Variants in APEX1 observed in about 807,000 individuals in gnomAD.
The protein encoded by APEX1 is apurinic/apyrimidinic endodeoxyribonuclease 1, also known as DNA repair nuclease/redox regulator APEX1.
A neutral mutation model predicts 33.2 loss-of-function variants in APEX1; 32 were observed. That is an observed-to-expected ratio of 0.96 (90% CI 0.73 to 1.29). The LOEUF (loss-of-function observed/expected upper bound fraction) is 1.29. APEX1 is among the 50% of genes most tolerant of loss of function. APEX1 has a pLI of 0.00. For missense variants in APEX1, 442 were observed against 395.6 expected (o/e 1.12, Z -0.99); for synonymous variants, 175 against 156.6 (o/e 1.12, Z -0.88).
chr14:20,455,484 C>T, intron 1 of APEX1, 90 bp downstream of exon 1: 1 of 1,140,878 alleles, frequency 8.8e-7, no homozygotes, highest in Non-Finnish European at 1.3e-6. Context: ...TTAGAGATAA[C>T]GTGGTTTGAA....
chr14:20,456,822 T>A lies in APEX1; in HGVS notation c.401T>A (p.Leu134His). Residue 134 changes from leucine to histidine, a missense_variant, in exon 4 of 5, where the codon CTT (leucine) becomes CAT (histidine). By Grantham distance (99) the Leu-to-His change is moderately conservative. Transcript: ENST00000216714. ...DKEGYSGVGL[L>H]SRQCPLKVSY... The stretch of plus-strand genomic sequence containing the variant: ...GAAGGGTACAGTGGCGTGGGCCTGC[T>A]TTCCCGCCAGTGCCCACTCAAAGTT... 6.2e-7 allele frequency: 1 copy of A among 1,614,184 alleles called. No individual in the cohort carries two copies. The highest frequency in any genetic ancestry group is 2.2e-5 in the East Asian group (1 of 44,890).
At position 20,456,871 on chromosome 14, in the gene APEX1, A is replaced by G. The variant is rs375286286; in HGVS notation, c.439+11A>G. 4 of 1,612,880 alleles carry G rather than the reference A, an allele frequency of 2.5e-6. No homozygotes were observed. Among genetic ancestry groups the G allele is most frequent in the East Asian group, 2.2e-5 (1 of 44,870 alleles). ...TTTCTTACGGCATAGGTGAGACCCTATTGATGCCTAATGCCTGAACTCTTC... is the reference window on the plus strand; with the variant it reads ...TTTCTTACGGCATAGGTGAGACCCTGTTGATGCCTAATGCCTGAACTCTTC... On this transcript the variant is annotated intron_variant, in intron 4 of 4. Coordinates refer to ENST00000216714, the MANE Select transcript of APEX1 (RefSeq NM_001641.4).
At position 20,455,629 on chromosome 14, in the gene APEX1, G is replaced by A. The variant is rs1185210385; in HGVS notation, c.-17G>A. ...TGGGTGACGCGGTACAGCTGCCCAAGGGCGTTCGTAACGGGAATGCCGAAG... is the reference window on the plus strand; with the variant it reads ...TGGGTGACGCGGTACAGCTGCCCAAAGGCGTTCGTAACGGGAATGCCGAAG... On this transcript the variant is annotated 5_prime_UTR_variant, in exon 2 of 5. Coordinates refer to ENST00000216714, the MANE Select transcript of APEX1 (RefSeq NM_001641.4). The A allele has an allele frequency of 6.2e-7, 1 of 1,613,144 alleles. No individual in the cohort carries two copies. The highest frequency in any genetic ancestry group is 1.1e-5 in the South Asian group (1 of 91,032).
chr14:20,455,356 A>C lies in APEX1; in HGVS notation c.-107A>C, dbSNP rs893083158. On this transcript the variant is annotated 5_prime_UTR_variant, in exon 1 of 5. Coordinates refer to ENST00000216714, the MANE Select transcript of APEX1 (RefSeq NM_001641.4). ...AAGCTTGAGTCAGGACCCTTAATTA[A>C]GATCCTCAATTGGCTGGAGGGCAGA... The C allele has an allele frequency of 1.5e-5, 8 of 532,012 alleles. No individual in the cohort carries two copies. The highest frequency in any genetic ancestry group is 2.7e-5 in the Non-Finnish European group (8 of 295,424). 33.0% of individuals were successfully genotyped at this position (532,012 alleles called of 1,614,324 possible).
chr14:20,456,563 AAG>A, intron 3 of APEX1, 103 bp from the exon 4 acceptor site: 1 of 1,117,440 alleles, frequency 8.9e-7, no homozygotes, highest in South Asian at 1.3e-5. Context: ...TCCTTAGGCC[AAG>A]AGACTGTTTA....
chr14:20,456,762 T>A lies in APEX1; in HGVS notation c.341T>A (p.Leu114His). Residue 114 changes from leucine (L) to histidine (H), a missense_variant, in exon 4 of 5, where the codon CTC becomes CAC. Transcript: ENST00000216714. Reference protein sequence around the residue: ...LPAELQELPGLSHQYWSAPSD... With the variant: ...LPAELQELPGHSHQYWSAPSD... ...GCTGAACTTCAGGAGCTGCCTGGAC[T>A]CTCTCATCAATACTGGTCAGCTCCT... 1 of 1,614,200 alleles carries A rather than the reference T, an allele frequency of 6.2e-7. No individual in the cohort carries two copies. Among genetic ancestry groups the A allele is most frequent in the Non-Finnish European group, 8.5e-7 (1 of 1,180,012 alleles).
In APEX1 at chr14:20,456,000, C is replaced by G. The variant is rs369666174; in HGVS notation, c.145C>G (p.Pro49Ala). 6.2e-7 allele frequency: 1 copy of G among 1,614,068 alleles called. No individual in the cohort carries two copies. The highest frequency in any genetic ancestry group is 8.5e-7 in the Non-Finnish European group (1 of 1,180,048). The change falls in exon 3 of 5, where the codon CCA becomes GCA. Residue 49 changes from proline to alanine, a missense_variant. Coordinates refer to ENST00000216714, the MANE Select transcript of APEX1 (RefSeq NM_001641.4). ...GGGCCCAGCCCTGTATGAGGACCCC[C>G]CAGATCAGAAAACCTCACCCAGTGG... is the stretch of plus-strand genomic sequence containing the variant. ...GEGPALYEDPPDQKTSPSGKP... is the reference protein window; with the variant it reads ...GEGPALYEDPADQKTSPSGKP...
chr14:20,455,487 GGTTTGAAA>G (rs1881276169), intron 1 of APEX1, 83 bp from the exon 2 acceptor site: 1 of 1,176,642 alleles, frequency 8.5e-7, no homozygotes, highest in African/African-American at 1.5e-5. Flanking sequence ...GAGATAACGT[GGTTTGAAA>G]GGCGGGACCT....
Position 20,455,317 on chromosome 14 carries a change from G to A in APEX1, c.-146G>A. 1 of 464,354 alleles carries A rather than the reference G, an allele frequency of 2.2e-6. No individual in the cohort carries two copies. Among genetic ancestry groups the A allele is most frequent in the Non-Finnish European group, 4.0e-6 (1 of 252,932 alleles). 28.8% of individuals were successfully genotyped at this position (464,354 alleles called of 1,614,324 possible). The stretch of plus-strand genomic sequence containing the variant: ...TTTGCTCATAAGAGGGGCTTCGCTG[G>A]CAGTCTGAACGGCAAGCTTGAGTCA... On this transcript the variant is annotated 5_prime_UTR_variant, in exon 1 of 5. Coordinates refer to ENST00000216714, the MANE Select transcript of APEX1 (RefSeq NM_001641.4).
rs746072642 is a variant in APEX1, at chr14:20,457,467, G to C, written c.916G>C (p.Gly306Arg). Residue 306 changes from glycine (G) to arginine (R), a missense_variant, in exon 5 of 5, where the codon GGC (glycine) becomes CGC (arginine). By Grantham distance (125) the Gly-to-Arg change is moderately radical. Coordinates refer to ENST00000216714, the MANE Select transcript of APEX1 (RefSeq NM_001641.4). ...CAGCAAGATCCGTTCCAAGGCCCTC[G>C]GCAGTGATCACTGTCCTATCACCCT... Reference protein sequence around the residue: ...CDSKIRSKALGSDHCPITLYL... With the variant: ...CDSKIRSKALRSDHCPITLYL... The C allele has an allele frequency of 1.2e-6, 2 of 1,614,090 alleles. No individual in the cohort carries two copies. Among genetic ancestry groups the C allele is most frequent in the Admixed American group, 3.3e-5 (2 of 60,008 alleles).
Position 20,457,081 on chromosome 14 carries a change from G to A in APEX1, c.530G>A (p.Arg177Gln), listed in dbSNP as rs760617856. The A allele has an allele frequency of 2.5e-5, 40 of 1,614,104 alleles. No homozygotes were observed. The highest frequency in any genetic ancestry group is 9.3e-5 in the African/African-American group (7 of 74,926). ...LVTAYVPNAG[R>Q]GLVRLEYRQR... is the part of the protein sequence containing the mutation. Reference sequence around the variant, plus strand: ...ACAGCATATGTACCTAATGCAGGCCGAGGTCTGGTACGACTGGAGTACCGG... The same window carrying A: ...ACAGCATATGTACCTAATGCAGGCCAAGGTCTGGTACGACTGGAGTACCGG... The change falls in exon 5 of 5, where the codon CGA becomes CAA. Residue 177 changes from arginine to glutamine, a missense_variant. Coordinates refer to ENST00000216714, the MANE Select transcript of APEX1 (RefSeq NM_001641.4).
rs1881441478 is a variant in APEX1, at chr14:20,457,225, G to A, written c.674G>A (p.Gly225Glu). 1 of 1,614,150 alleles carries A rather than the reference G, an allele frequency of 6.2e-7. No homozygotes were observed. Among genetic ancestry groups the A allele is most frequent in the Non-Finnish European group, 8.5e-7 (1 of 1,180,028 alleles). Residue 225 changes from glycine to glutamate, a missense_variant, in exon 5 of 5, where the codon GGG (glycine) becomes GAG (glutamate). By Grantham distance (98) the Gly-to-Glu change is moderately conservative (BLOSUM62 -2). Transcript: ENST00000216714. ...HEEIDLRNPKGNKKNAGFTPQ... is the reference protein window; with the variant it reads ...HEEIDLRNPKENKKNAGFTPQ... ...GAAATTGACCTTCGCAACCCCAAGG[G>A]GAACAAAAAGAATGCTGGCTTCACG...
chr14:20,455,989 A>G lies in APEX1; in HGVS notation c.134A>G (p.Tyr45Cys). The change falls in exon 3 of 5, where the codon TAT becomes TGT. Residue 45 changes from tyrosine (Y) to cysteine (C), a missense_variant. Tyr to Cys is a radical substitution (Grantham distance 194). Transcript: ENST00000216714. ...GCAGCAGGAGAGGGCCCAGCCCTGT[A>G]TGAGGACCCCCCAGATCAGAAAACC... is the stretch of plus-strand genomic sequence containing the variant. ...KEAAGEGPAL[Y>C]EDPPDQKTSP... 3 of 1,614,216 alleles carry G rather than the reference A, an allele frequency of 1.9e-6. No individual in the cohort carries two copies. Among genetic ancestry groups the G allele is most frequent in the African/African-American group, 2.7e-5 (2 of 75,050 alleles).
chr14:20,457,740 C>T lies in APEX1; in HGVS notation c.*232C>T. On this transcript the variant is annotated 3_prime_UTR_variant, in exon 5 of 5. Transcript: ENST00000216714. ...TACTAATGACTTTGTTTGAATTATC[C>T]ACATGAAAATAAAGAGCCATAGTTT... 1 of 599,214 alleles carries T rather than the reference C, an allele frequency of 1.7e-6. No individual in the cohort carries two copies. The allele number at this position is 599,214 out of a possible 1,614,324, so 37.1% of individuals were successfully genotyped here.
In APEX1 at chr14:20,455,398, C is replaced by G. The variant is rs1881269569; in HGVS notation, c.-69+4C>G. The G allele has an allele frequency of 3.3e-6, 2 of 608,906 alleles. No individual in the cohort carries two copies. Among genetic ancestry groups the G allele is most frequent in the Non-Finnish European group, 5.8e-6 (2 of 344,960 alleles). The allele number at this position is 608,906 out of a possible 1,614,324, so 37.7% of individuals were successfully genotyped here. A position where few individuals can be genotyped will look rare whatever the true frequency, so the allele number is the denominator to read the frequency against. On this transcript the variant is annotated splice_donor_region_variant and intron_variant, in intron 1 of 4. Coordinates refer to ENST00000216714, the MANE Select transcript of APEX1 (RefSeq NM_001641.4). ...GAGGGCAGATCTCGCGAGTAGGGTA[C>G]AAGGCACTATGAAATGATCTAGTTT...
At position 20,456,731 on chromosome 14, in the gene APEX1, C is replaced by A; in HGVS notation, c.310C>A (p.Leu104Ile). Residue 104 changes from leucine to isoleucine, a missense_variant, in exon 4 of 5, where the codon CTA (leucine) becomes ATA (isoleucine). By Grantham distance (5) the Leu-to-Ile change is conservative. Transcript: ENST00000216714. ...LQETKCSENK[L>I]PAELQELPGL... is the part of the protein sequence containing the mutation. ...AGAGACCAAATGTTCAGAGAACAAA[C>A]TACCAGCTGAACTTCAGGAGCTGCC... is the stretch of plus-strand genomic sequence containing the variant. The A allele has an allele frequency of 6.2e-7, 1 of 1,614,234 alleles. No individual in the cohort carries two copies. The highest frequency in any genetic ancestry group is 8.5e-7 in the Non-Finnish European group (1 of 1,180,032).
rs1183577581 is a variant in APEX1, at chr14:20,457,471, G to A, written c.920G>A (p.Ser307Asn). Residue 307 changes from serine (S) to asparagine (N), a missense_variant, in exon 5 of 5, where the codon AGT (serine) becomes AAT (asparagine). Transcript: ENST00000216714. Reference protein sequence around the residue: ...DSKIRSKALGSDHCPITLYLA... With the variant: ...DSKIRSKALGNDHCPITLYLA... Reference sequence around the variant, plus strand: ...AAGATCCGTTCCAAGGCCCTCGGCAGTGATCACTGTCCTATCACCCTATAC... The same window carrying A: ...AAGATCCGTTCCAAGGCCCTCGGCAATGATCACTGTCCTATCACCCTATAC... The A allele has an allele frequency of 8.1e-6, 13 of 1,614,088 alleles. No homozygotes were observed. The highest frequency in any genetic ancestry group is 9.3e-6 in the Non-Finnish European group (11 of 1,180,056).
intron 3 of APEX1, 70 bp downstream of exon 3, chr14:20,456,171 C>A: frequency 6.5e-7 from 1 of 1,549,228 alleles, no homozygotes. Context: ...CACCCCTTTT[C>A]TCCGTTTAGC....
rs748013536 is a variant in APEX1, at chr14:20,457,300, C to A, written c.749C>A (p.Ala250Asp). The A allele has an allele frequency of 1.9e-6, 3 of 1,614,230 alleles. No individual in the cohort carries two copies. The highest frequency in any genetic ancestry group is 2.5e-6 in the Non-Finnish European group (3 of 1,180,044). Residue 250 changes from alanine to aspartate, a missense_variant, in exon 5 of 5, where the codon GCT (alanine) becomes GAT (aspartate). By Grantham distance (126) the Ala-to-Asp change is moderately radical (BLOSUM62 -2). Transcript: ENST00000216714. ...FGELLQAVPL[A>D]DSFRHLYPNT... ...GAATTACTGCAGGCTGTGCCACTGG[C>A]TGACAGCTTTAGGCACCTCTACCCC... is the stretch of plus-strand genomic sequence containing the variant.
Sources: gnomAD v4.1 joint callset for allele counts on GRCh38, gnomAD v4.1.1 for gene constraint, MANE v1.5 for transcripts, NCBI Gene and HGNC (gene_info 2026-07-23, HGNC 2026-07-21) for gene names.